The following DNAAF11 variants were observed in gnomAD, a reference collection of about 807,000 sequenced individuals.
The protein encoded by DNAAF11 is dynein axonemal assembly factor 11.
DNAAF11 carries 45 observed loss-of-function variants against 60.8 expected under a neutral mutation model. The observed-to-expected ratio is 0.74, with a 90% CI of 0.58 to 0.95. DNAAF11 has a LOEUF of 0.95. Ranked by LOEUF, DNAAF11 falls within the 40% of genes least tolerant of loss-of-function variation. The pLI is 0.00. For missense variants in DNAAF11, 546 were observed against 546.2 expected (o/e 1.00, Z 0.00); for synonymous variants, 191 against 183.5 (o/e 1.04, Z -0.33).
intron 2 of DNAAF11, among the ~76,000 whole-genome samples, chr8:132,659,495 G>A (rs1823916977): frequency 6.6e-6 from 1 of 152,134 alleles, no homozygotes. Flanking sequence ...ACCCAGCTGT[G>A]GAGATTAAAA....
chr8:132,600,353 T>C (rs1269685566), intron 10 of DNAAF11, among the ~76,000 whole-genome samples: 1 of 152,162 alleles, frequency 6.6e-6, no homozygotes, highest in South Asian at 2.1e-4. Flanking sequence ...CTGCCCAAGG[T>C]AATTTATAGA....
the DNAAF11 span, among the ~76,000 whole-genome samples, chr8:132,693,686 T>C: frequency 0.14 from 21,683 of 151,772 alleles, 4,400 homozygotes; most frequent in African/African-American, 0.46. Context: ...AGGAAGGAGA[T>C]GTGATTGCTG....
At position 132,570,818 on chromosome 8, in the gene DNAAF11, G is replaced by T. The variant is rs1814113556; in HGVS notation, c.*1488C>A. On this transcript the variant is annotated 3_prime_UTR_variant, in exon 12 of 12. Transcript: ENST00000620350. ...CCCACCCACCAGGATCTTGGCCACG[G>T]ACCAGAAGGGTAGCAGATAAATAGA... Among the ~76,000 whole-genome samples, 1 of 152,188 alleles carries T rather than the reference G, an allele frequency of 6.6e-6. No individual in the cohort carries two copies. Among genetic ancestry groups the T allele is most frequent in the African/African-American group, 2.4e-5 (1 of 41,442 alleles).
At chr8:132,643,632 T>A (rs536090657) in intron 3 of DNAAF11, 121 of 456,210 alleles carry the variant, frequency 2.7e-4, no homozygotes, top group Middle Eastern at 9.8e-4. Context: ...ACCTTGCAGA[T>A]GGTGTGAGAG....
chr8:132,682,817 G>A, the DNAAF11 span, among the ~76,000 whole-genome samples: 2 of 152,302 alleles, frequency 1.3e-5, no homozygotes, highest in South Asian at 2.1e-4. Context: ...GCTTCAGGCC[G>A]CTTCCACTCA....
chr8:132,602,770 C>T (rs894984617), intron 10 of DNAAF11, among the ~76,000 whole-genome samples: 5 of 141,118 alleles, frequency 3.5e-5, no homozygotes, highest in African/African-American at 1.1e-4. Context: ...TATATATATA[C>T]ACACAGCACA....
chr8:132,682,751 G>T, the DNAAF11 span, among the ~76,000 whole-genome samples: 4 of 152,178 alleles, frequency 2.6e-5, no homozygotes, highest in Non-Finnish European at 5.9e-5. Context: ...ATACTTATTT[G>T]GTTCATGATT....
At chr8:132,674,115 G>GAGGAGGAGGAGC (rs1252165609) in intron 1 of DNAAF11, among the ~76,000 whole-genome samples, 5 of 110,766 alleles carry the variant, frequency 4.5e-5, no homozygotes, top group East Asian at 2.1e-4. Context: ...GGAGGAGCAG[G>GAGGAGGAGGAGC]AGGAGGAGGA....
intron 1 of DNAAF11, among the ~76,000 whole-genome samples, chr8:132,674,175 GAGGAGA>G (rs1375481842): frequency 7.0e-6 from 1 of 141,858 alleles, no homozygotes; most frequent in Admixed American, 6.9e-5. Flanking sequence ...GAAGGAGGAG[GAGGAGA>G]AGGAGGAGGA....
intron 10 of DNAAF11, among the ~76,000 whole-genome samples, chr8:132,594,059 G>A (rs1050455781): frequency 2.0e-5 from 3 of 152,080 alleles, no homozygotes; most frequent in African/African-American, 7.2e-5. Context: ...CAAAACTTCT[G>A]CTTATTATAC....
chr8:132,664,304 G>C (rs1052210729), intron 1 of DNAAF11, among the ~76,000 whole-genome samples: 2 of 152,102 alleles, frequency 1.3e-5, no homozygotes, highest in African/African-American at 4.8e-5. Context: ...CTGCCATGTG[G>C]GACTTTCTGA....
chr8:132,639,855 A>AC (rs1821683722), intron 3 of DNAAF11, among the ~76,000 whole-genome samples: 1 of 152,014 alleles, frequency 6.6e-6, no homozygotes, highest in Non-Finnish European at 1.5e-5. Flanking sequence ...GGATAAACTG[A>AC]TAAAAAAAAA....
chr8:132,690,653 T>A, the DNAAF11 span, among the ~76,000 whole-genome samples: 1 of 152,216 alleles, frequency 6.6e-6, no homozygotes, highest in Non-Finnish European at 1.5e-5. Context: ...GTTTTGTATT[T>A]CAGGATCCAA....
At chr8:132,680,891 A>G in the DNAAF11 span, among the ~76,000 whole-genome samples, 1 of 151,652 alleles carries the variant, frequency 6.6e-6, no homozygotes, top group Admixed American at 6.6e-5. Flanking sequence ...AGTATTTGAC[A>G]TGTAGAAAGT....
intron 3 of DNAAF11, among the ~76,000 whole-genome samples, chr8:132,653,854 G>A (rs1387372560): frequency 2.0e-5 from 3 of 152,070 alleles, no homozygotes; most frequent in African/African-American, 4.8e-5. Context: ...ACAGAACAAA[G>A]TAGACATAAG....
At chr8:132,684,681 T>A in the DNAAF11 span, among the ~76,000 whole-genome samples, 1 of 152,232 alleles carries the variant, frequency 6.6e-6, no homozygotes, top group Non-Finnish European at 1.5e-5. Context: ...TAGAAACTGA[T>A]GACAAAGGCC....
intron 5 of DNAAF11, among the ~76,000 whole-genome samples, chr8:132,629,187 T>A (rs1190334395): frequency 6.6e-6 from 1 of 152,166 alleles, no homozygotes; most frequent in Non-Finnish European, 1.5e-5. Flanking sequence ...ATATAATGCA[T>A]GTGATGATAA....
chr8:132,702,686 A>C, the DNAAF11 span, among the ~76,000 whole-genome samples: 1 of 152,182 alleles, frequency 6.6e-6, no homozygotes, highest in Non-Finnish European at 1.5e-5. Context: ...GTTTAATCTC[A>C]TAAAAGTTAG....
intron 7 of DNAAF11, among the ~76,000 whole-genome samples, chr8:132,618,169 C>T (rs1819373841): frequency 6.6e-6 from 1 of 151,452 alleles, no homozygotes; most frequent in Admixed American, 6.6e-5. Flanking sequence ...TGATCTTTGA[C>T]AAACCTGAGA....
Sources: allele counts gnomAD v4.1 joint callset (sites outside exome capture counted in the v4.1 genomes callset), GRCh38; gene constraint gnomAD v4.1.1; transcripts MANE v1.5; gene names NCBI Gene and HGNC (gene_info 2026-07-23, HGNC 2026-07-21).